Variants in RRP9 observed in about 807,000 individuals in gnomAD.
RRP9 encodes the protein U3 small nucleolar RNA-interacting protein 2.
A neutral mutation model predicts 65.5 loss-of-function variants in RRP9; 35 were observed. The observed-to-expected ratio is 0.53, with a 90% CI of 0.41 to 0.71. The LOEUF (loss-of-function observed/expected upper bound fraction) is 0.71. Ranked by LOEUF, RRP9 falls within the 30% of genes least tolerant of loss-of-function variation. The pLI is 0.00. For missense variants in RRP9, 533 were observed against 633.6 expected, an observed-to-expected ratio of 0.84 and a Z score of 1.70; for synonymous variants, 254 against 245.0, an observed-to-expected ratio of 1.04 and a Z score of -0.34.
At chr3:51,935,500 T>C in intron 9 of RRP9, 24 bp from the exon 10 acceptor site, 1 of 1,613,784 alleles carries the variant, frequency 6.2e-7, no homozygotes, top group South Asian at 1.1e-5. Context: ...CAGAGCAGGA[T>C]AGTGGGGATA....
Position 51,935,403 on chromosome 3 carries a change from C to G in RRP9, c.910G>C (p.Asp304His). Residue 304 changes from aspartate (D) to histidine (H), a missense_variant, in exon 10 of 15, where the codon GAT becomes CAT. Coordinates refer to ENST00000232888, the MANE Select transcript of RRP9 (RefSeq NM_004704.5). ...ATCTTCCACACACGTACAGTCCCAT[C>G]CCGGCCCCCAGCCGTCACACAGCAC... ...RECCVTAGGR[D>H]GTVRVWKIPE... 6.2e-7 allele frequency: 1 copy of G among 1,614,198 alleles called. No individual in the cohort carries two copies. Among genetic ancestry groups the G allele is most frequent in the South Asian group, 1.1e-5 (1 of 91,082 alleles).
intron 2 of RRP9, among the ~76,000 whole-genome samples, chr3:51,939,994 C>T (rs368227636): frequency 3.3e-5 from 5 of 152,224 alleles, no homozygotes; most frequent in Admixed American, 2.6e-4. Flanking sequence ...TGGTGGCTCA[C>T]GCCTATAATC....
chr3:51,937,207 A>T lies in RRP9; in HGVS notation c.502T>A (p.Cys168Ser), dbSNP rs1369050344. 5 of 1,613,654 alleles carry T rather than the reference A, an allele frequency of 3.1e-6. No individual in the cohort carries two copies. Among genetic ancestry groups the T allele is most frequent in the Non-Finnish European group, 4.2e-6 (5 of 1,179,764 alleles). Residue 168 changes from cysteine to serine, a missense_variant, in exon 6 of 15, where the codon TGC becomes AGC. By Grantham distance (112) the Cys-to-Ser change is moderately radical. Coordinates refer to ENST00000232888, the MANE Select transcript of RRP9 (RefSeq NM_004704.5). This position sits in a 1 kb window ranked among gnomAD's most constrained non-coding sequence, Gnocchi z 5.0. Reference protein sequence around the residue: ...DSAIFSAAKDCSIIKWSVESG... With the variant: ...DSAIFSAAKDSSIIKWSVESG... ...ACTCACTCACACTTAATGATGCTGC[A>T]GTCTTTGGCAGCAGAGAAGATGGCT...
Position 51,941,849 on chromosome 3 carries a change from C to G in RRP9, c.19G>C (p.Ala7Pro), listed in dbSNP as rs556392866. 34 of 1,582,904 alleles carry G rather than the reference C, an allele frequency of 2.1e-5. No homozygotes were observed. The East Asian group carries it at 6.9e-4, about 32-fold the overall frequency. MSATAA[A>P]RKRGKPASGA... ...GAGGCCGGCTTTCCCCGCTTACGAG[C>G]AGCCGCTGTTGCCGACATGCTGCCC... is the stretch of plus-strand genomic sequence containing the variant. Residue 7 changes from alanine (A) to proline (P), a missense_variant, in exon 1 of 15, where the codon GCT becomes CCT. Coordinates refer to ENST00000232888, the MANE Select transcript of RRP9 (RefSeq NM_004704.5).
chr3:51,935,671 T>A lies in RRP9; in HGVS notation c.757A>T (p.Thr253Ser). The change falls in exon 9 of 15, where the codon ACC (threonine) becomes TCC (serine). Residue 253 changes from threonine to serine, a missense_variant. Coordinates refer to ENST00000232888, the MANE Select transcript of RRP9 (RefSeq NM_004704.5). ...TGGGATGTGCTGTAGAGCTGGTGGG[T>A]GCCTCTGCGGAATGCCAGACCCTAA... ...AVSGLAFRRG[T>S]HQLYSTSHDR... The A allele has an allele frequency of 6.2e-7, 1 of 1,614,050 alleles. No individual in the cohort carries two copies. Among genetic ancestry groups the A allele is most frequent in the Non-Finnish European group, 8.5e-7 (1 of 1,180,004 alleles).
Position 51,934,353 on chromosome 3 carries a change from GAGCTGGCCCTGCCCTGA to G in RRP9, c.1260+102_1260+118del. The stretch of plus-strand genomic sequence containing the variant: ...GGGTTCCTGCCAGGCCCTGTGCTAG[GAGCTGGCCCTGCCCTGA>G]GAAGGTTCCCTTCTGGCAGGAAGAA... On this transcript the variant is annotated intron_variant, in intron 13 of 14. Coordinates refer to ENST00000232888, the MANE Select transcript of RRP9 (RefSeq NM_004704.5). This position sits in a 1 kb window ranked among gnomAD's most constrained non-coding sequence, Gnocchi z 4.1. 2 of 1,015,022 alleles carry G rather than the reference GAGCTGGCCCTGCCCTGA, an allele frequency of 2.0e-6. No homozygotes were observed. Among genetic ancestry groups the G allele is most frequent in the Non-Finnish European group, 2.9e-6 (2 of 692,532 alleles). The allele number at this position is 1,015,022 out of a possible 1,614,324, so 62.9% of individuals were successfully genotyped here.
In RRP9 at chr3:51,933,504, T is replaced by C. The variant is rs1039796907; in HGVS notation, c.*2A>G. ...AGGACTTAAATAAGGAGGATAAGAG[T>C]GTCAGGAACCAGCAGCTGGGGGTAC... On this transcript the variant is annotated 3_prime_UTR_variant, in exon 15 of 15. Transcript: ENST00000232888. The C allele has an allele frequency of 1.9e-6, 3 of 1,610,110 alleles. No individual in the cohort carries two copies. Among genetic ancestry groups the C allele is most frequent in the South Asian group, 2.2e-5 (2 of 90,954 alleles).
chr3:51,941,729 C>T (rs921648205), intron 1 of RRP9, 52 bp downstream of exon 1: 47 of 1,462,150 alleles, frequency 3.2e-5, no homozygotes, highest in Middle Eastern at 4.7e-4. Flanking sequence ...GATGGGATGA[C>T]GGTTGTCCCA....
intron 11 of RRP9, 94 bp downstream of exon 11, chr3:51,935,103 C>A (rs149649418): frequency 0.02 from 27,620 of 1,347,788 alleles, 389 homozygotes; most frequent in Non-Finnish European, 0.026. Context: ...ACAGCTCCCC[C>A]ACTGGGGGTG....
Position 51,937,414 on chromosome 3 carries a change from A to G in RRP9, c.391-96T>C. The G allele has an allele frequency of 6.2e-7, 1 of 1,606,670 alleles. No individual in the cohort carries two copies. The highest frequency in any genetic ancestry group is 8.5e-7 in the Non-Finnish European group (1 of 1,174,694). On this transcript the variant is annotated intron_variant, in intron 5 of 14. Coordinates refer to ENST00000232888, the MANE Select transcript of RRP9 (RefSeq NM_004704.5). This position sits in a 1 kb window ranked among gnomAD's most constrained non-coding sequence, Gnocchi z 5.0. ...AGTGTTGGCCTTTCCCACCCAGGCC[A>G]GAAGGAAAACAAGACCCAAGGCTAC...
Position 51,937,040 on chromosome 3 carries a change from A to T in RRP9, c.517+152T>A. ...GCCCCACTGCCGGGCAGCAGCTTTCACTGTCACCCAGAGAGCACTCCTAGG... is the reference window on the plus strand; with the variant it reads ...GCCCCACTGCCGGGCAGCAGCTTTCTCTGTCACCCAGAGAGCACTCCTAGG... On this transcript the variant is annotated intron_variant, in intron 6 of 14. Coordinates refer to ENST00000232888, the MANE Select transcript of RRP9 (RefSeq NM_004704.5). This position sits in a 1 kb window ranked among gnomAD's most constrained non-coding sequence, Gnocchi z 5.0. 1 of 943,924 alleles carries T rather than the reference A, an allele frequency of 1.1e-6. No individual in the cohort carries two copies. Among genetic ancestry groups the T allele is most frequent in the Non-Finnish European group, 1.6e-6 (1 of 627,408 alleles). 58.5% of individuals were successfully genotyped at this position (943,924 alleles called of 1,614,324 possible). A position where few individuals can be genotyped will look rare whatever the true frequency, so the allele number is the denominator to read the frequency against.
At chr3:51,936,122 A>G in intron 8 of RRP9, 135 bp downstream of exon 8, 1 of 781,478 alleles carries the variant, frequency 1.3e-6, no homozygotes, top group Non-Finnish European at 2.2e-6. Context: ...TATGTATTTT[A>G]CAGCACCACT....
rs1699425061 is a variant in RRP9 at position 51,934,235 on chromosome 3, C to A, written c.1260+237G>T. Among the ~76,000 whole-genome samples, 1 of 152,190 alleles carries A rather than the reference C, an allele frequency of 6.6e-6. No homozygotes were observed. The highest frequency in any genetic ancestry group is 2.4e-5 in the African/African-American group (1 of 41,442). On this transcript the variant is annotated intron_variant, in intron 13 of 14. Coordinates refer to ENST00000232888, the MANE Select transcript of RRP9 (RefSeq NM_004704.5). The surrounding 1 kb of genome is among the most constrained non-coding windows in gnomAD (Gnocchi z 4.1). Reference sequence around the variant, plus strand: ...CAGAATTCATCACAGGGCCAGGCCTCCATGCCTCTCCCCATGCTGCTCCCT... The same window carrying A: ...CAGAATTCATCACAGGGCCAGGCCTACATGCCTCTCCCCATGCTGCTCCCT...
chr3:51,938,349 G>A lies in RRP9; in HGVS notation c.171-145C>T. On this transcript the variant is annotated intron_variant, in intron 2 of 14. Coordinates refer to ENST00000232888, the MANE Select transcript of RRP9 (RefSeq NM_004704.5). Reference sequence around the variant, plus strand: ...GTCGGTGACTACACTGCAGAAAACTGAAGGATGTGACTCCCCAAACTAAAA... The same window carrying A: ...GTCGGTGACTACACTGCAGAAAACTAAAGGATGTGACTCCCCAAACTAAAA... 4 of 633,542 alleles carry A rather than the reference G, an allele frequency of 6.3e-6. No individual in the cohort carries two copies. In the South Asian group the frequency reaches 7.8e-5, roughly 12 times the overall value. The allele number at this position is 633,542 out of a possible 1,614,324, so 39.2% of individuals were successfully genotyped here. A position where few individuals can be genotyped will look rare whatever the true frequency, so the allele number is the denominator to read the frequency against.
rs368760430 is a variant in RRP9 at position 51,935,326 on chromosome 3, T to C, written c.971+16A>G. 4.4e-5 allele frequency: 71 copies of C among 1,614,094 alleles called. No homozygotes were observed. The African/African-American group carries it at 6.0e-4, about 14-fold the overall frequency. ...CCAGCCCATGTAGCCCCCACTGGCATGGCAGGCCACCTTACTGGTGGCCAT... is the reference window on the plus strand; with the variant it reads ...CCAGCCCATGTAGCCCCCACTGGCACGGCAGGCCACCTTACTGGTGGCCAT... On this transcript the variant is annotated intron_variant, in intron 10 of 14. Transcript: ENST00000232888.
chr3:51,938,326 C>T (rs1699481984), intron 2 of RRP9, 122 bp from the exon 3 acceptor site: 5 of 708,458 alleles, frequency 7.1e-6, no homozygotes, highest in East Asian at 2.8e-5. Context: ...CCCACATGGT[C>T]GGTGACTACA....
chr3:51,938,626 C>T (rs1320624815), intron 2 of RRP9, among the ~76,000 whole-genome samples: 1 of 152,194 alleles, frequency 6.6e-6, no homozygotes, highest in Non-Finnish European at 1.5e-5. Flanking sequence ...ATGCCATGCC[C>T]AGTCAAACAA....
chr3:51,934,728 C>T lies in RRP9; in HGVS notation c.1083G>A (p.Gln361=), dbSNP rs770210933. 1.4e-5 allele frequency: 22 copies of T among 1,614,060 alleles called. No homozygotes were observed. Among genetic ancestry groups the T allele is most frequent in the African/African-American group, 2.7e-5 (2 of 74,936 alleles). The change falls in exon 12 of 15, where the codon CAG becomes CAA. Residue 361 remains glutamine, a synonymous_variant. Transcript: ENST00000232888. The surrounding 1 kb of genome is among the most constrained non-coding windows in gnomAD (Gnocchi z 4.1). ...GLSKKRPLAL[Q]REAHGLRGEP... The stretch of plus-strand genomic sequence containing the variant: ...CTCCCCGCAGCCCGTGAGCTTCACG[C>T]TGCAGGGCAAGTGGTCGCTTCTTGG...
chr3:51,936,363 G>A lies in RRP9; in HGVS notation c.643-14C>T. 1 of 1,614,196 alleles carries A rather than the reference G, an allele frequency of 6.2e-7. No individual in the cohort carries two copies. The highest frequency in any genetic ancestry group is 1.7e-5 in the Admixed American group (1 of 60,024). ...GTCACCAGAGGCCTGCAGGGATGAA[G>A]ACAATGATCACAGGCACCCACCATG... On this transcript the variant is annotated splice_polypyrimidine_tract_variant and intron_variant, in intron 7 of 14. Transcript: ENST00000232888.
Sources: allele counts gnomAD v4.1 joint callset (sites outside exome capture counted in the v4.1 genomes callset), GRCh38; gene constraint gnomAD v4.1.1; non-coding constraint Gnocchi (gnomAD v3.1); transcripts MANE v1.5; gene names NCBI Gene and HGNC (gene_info 2026-07-23, HGNC 2026-07-21).